ZNF385D: variants seen among roughly 807,000 people sequenced by gnomAD.
ZNF385D encodes zinc finger protein 659.
ZNF385D carries 15 observed loss-of-function variants against 35.8 expected under a neutral mutation model. That is an observed-to-expected ratio of 0.42 (90% CI 0.28 to 0.64). The LOEUF is 0.64. Among genes scored for constraint, ZNF385D ranks in the 30% least tolerant of loss-of-function variants. ZNF385D has a pLI of 0.23. For synonymous variants in ZNF385D, 212 were observed against 186.8 expected (o/e 1.13, Z -1.10); for missense variants, 474 against 494.6 (o/e 0.96, Z 0.39).
intron 2 of ZNF385D, among the ~76,000 whole-genome samples, chr3:22,281,073 G>C (rs993959286): frequency 6.6e-6 from 1 of 151,904 alleles, no homozygotes; most frequent in Non-Finnish European, 1.5e-5. Context: ...ACTGATTTCT[G>C]TACATTCATT....
chr3:22,235,667 C>T (rs1415187017), intron 2 of ZNF385D, among the ~76,000 whole-genome samples: 3 of 151,976 alleles, frequency 2.0e-5, no homozygotes, highest in Non-Finnish European at 2.9e-5. Flanking sequence ...AAAATATGCT[C>T]AAGTATATTT....
At chr3:21,713,941 C>CT (rs754896523) in intron 1 of ZNF385D, among the ~76,000 whole-genome samples, 7 of 152,162 alleles carry the variant, frequency 4.6e-5, no homozygotes, top group Non-Finnish European at 7.3e-5. Flanking sequence ...ATCCTACCAC[C>CT]TTTTCAGCCC....
chr3:21,970,624 A>G (rs1703189020), intron 3 of ZNF385D, among the ~76,000 whole-genome samples: 1 of 152,002 alleles, frequency 6.6e-6, no homozygotes, highest in African/African-American at 2.4e-5. Flanking sequence ...AGAGAGAGAG[A>G]GAAATTGAGG....
intron 2 of ZNF385D, among the ~76,000 whole-genome samples, chr3:22,348,931 A>C (rs1048342612): frequency 3.9e-5 from 6 of 152,222 alleles, no homozygotes; most frequent in African/African-American, 1.4e-4. Flanking sequence ...CTAGCCATTA[A>C]ATGGCATAAT....
intron 3 of ZNF385D, among the ~76,000 whole-genome samples, chr3:21,756,760 G>A (rs2070357532): frequency 6.6e-6 from 1 of 152,176 alleles, no homozygotes; most frequent in Non-Finnish European, 1.5e-5. Context: ...ACATGTGCTG[G>A]AAGGCTACTT....
rs528236178 is a variant in ZNF385D, at chr3:21,420,480, A to T, written c.*734T>A. ...AATCACCTTTATTAATGCCTCCCCCATCTCTAAGCTTAGCCCTGTTATATC... is the reference window on the plus strand; with the variant it reads ...AATCACCTTTATTAATGCCTCCCCCTTCTCTAAGCTTAGCCCTGTTATATC... On this transcript the variant is annotated 3_prime_UTR_variant, in exon 8 of 8. Coordinates refer to ENST00000281523, the MANE Select transcript of ZNF385D (RefSeq NM_024697.3). 1.3e-5 allele frequency: 2 copies of T among 152,128 alleles called. No individual in the cohort carries two copies. Among genetic ancestry groups the T allele is most frequent in the Admixed American group, 6.5e-5 (1 of 15,268 alleles). The allele number at this position is 152,128 out of a possible 1,614,324, so 9.4% of individuals were successfully genotyped here.
At chr3:21,916,783 G>A (rs4350938) in intron 3 of ZNF385D, among the ~76,000 whole-genome samples, 81,593 of 152,074 alleles carry the variant, frequency 0.54, 23,909 homozygotes, top group South Asian at 0.66. Context: ...TACAATAAAC[G>A]AAAGCACTGT....
intron 3 of ZNF385D, among the ~76,000 whole-genome samples, chr3:22,091,175 AACTT>A (rs756495502): frequency 1.3e-5 from 2 of 152,154 alleles, no homozygotes; most frequent in Non-Finnish European, 2.9e-5. Flanking sequence ...TCTAACAACT[AACTT>A]AACTTGGTTG....
At chr3:21,864,419 G>C (rs148185225) in intron 3 of ZNF385D, among the ~76,000 whole-genome samples, 48 of 152,188 alleles carry the variant, frequency 3.2e-4, no homozygotes, top group Non-Finnish European at 6.0e-4. Context: ...TGCCTCTCTT[G>C]AATCCTTGTT....
At chr3:21,649,415 A>G (rs1203238151) in intron 2 of ZNF385D, among the ~76,000 whole-genome samples, 2 of 152,154 alleles carry the variant, frequency 1.3e-5, no homozygotes, top group Admixed American at 1.3e-4. Flanking sequence ...ACTATTTAGC[A>G]GGATGACATC....
chr3:21,638,834 T>C (rs3843878), intron 2 of ZNF385D, among the ~76,000 whole-genome samples: 151,215 of 152,192 alleles, frequency 0.99, 75,124 homozygotes, highest in East Asian at 1. Flanking sequence ...TGTACTGGAA[T>C]TTGACAAGGA....
chr3:22,284,160 A>G (rs544418805), intron 2 of ZNF385D, among the ~76,000 whole-genome samples: 9 of 150,578 alleles, frequency 6.0e-5, no homozygotes, highest in African/African-American at 1.9e-4. Flanking sequence ...CTTAAACATT[A>G]TCAATAAACA....
intron 3 of ZNF385D, among the ~76,000 whole-genome samples, chr3:22,024,509 A>G (rs928707703): frequency 4.6e-5 from 7 of 152,046 alleles, no homozygotes; most frequent in Admixed American, 3.3e-4. Flanking sequence ...TCTACTTCTA[A>G]TAGTATGGAG....
intron 3 of ZNF385D, among the ~76,000 whole-genome samples, chr3:21,894,823 C>A (rs1472809291): frequency 2.0e-5 from 3 of 152,058 alleles, no homozygotes. Context: ...ACAACCCTTT[C>A]AGAAGAAACG....
chr3:22,084,228 A>C (rs1427567536), intron 3 of ZNF385D, among the ~76,000 whole-genome samples: 1 of 152,208 alleles, frequency 6.6e-6, no homozygotes, highest in Non-Finnish European at 1.5e-5. Context: ...ATTCACACAT[A>C]ACAATATTAA....
At chr3:21,908,917 A>T (rs1040273509) in intron 3 of ZNF385D, among the ~76,000 whole-genome samples, 59 of 152,214 alleles carry the variant, frequency 3.9e-4, no homozygotes, top group African/African-American at 1.4e-3. Flanking sequence ...TATTTTTTTC[A>T]ATGTGTTAGC....
chr3:21,890,837 A>G (rs17009974), intron 3 of ZNF385D, among the ~76,000 whole-genome samples: 6,904 of 152,268 alleles, frequency 0.045, 650 homozygotes, highest in Admixed American at 0.21. Context: ...TGGAGAAGCC[A>G]AAGGAAAACA....
At chr3:21,960,497 T>A (rs911844746) in intron 3 of ZNF385D, among the ~76,000 whole-genome samples, 23 of 152,060 alleles carry the variant, frequency 1.5e-4, no homozygotes, top group Non-Finnish European at 3.2e-4. Flanking sequence ...GGAAATGTAA[T>A]TAGGACAGCC....
chr3:22,010,293 T>C lies in ZNF385D; in HGVS notation c.325+158524A>G, dbSNP rs112281130. Among the ~76,000 whole-genome samples, 6 of 152,324 alleles carry C rather than the reference T, an allele frequency of 3.9e-5. 1 individual carries two copies. The highest frequency in any genetic ancestry group is 1.4e-4 in the African/African-American group (6 of 41,572). On this transcript the variant is annotated intron_variant, in intron 3 of 5. Transcript: ENST00000494108. ...GCTATAAACACCGATGTCACAAGAC[T>C]TGGAATACTTCGGAAATTTACTGAA...
Sources: gnomAD v4.1 joint callset for allele counts (sites outside exome capture counted in the v4.1 genomes callset) on GRCh38, gnomAD v4.1.1 for gene constraint, MANE v1.5 for transcripts, NCBI Gene and HGNC (gene_info 2026-07-23, HGNC 2026-07-21) for gene names.